Variants in SUGP2 observed in about 807,000 individuals in gnomAD.
SUGP2 encodes the protein SURP and G-patch domain containing 2, also known as SURP and G-patch domain-containing protein 2.
A neutral mutation model predicts 90.5 loss-of-function variants in SUGP2; 24 were observed. The observed-to-expected ratio is 0.27, with a 90% CI of 0.19 to 0.37. SUGP2 has a LOEUF of 0.37. SUGP2 is among the 10% of genes least tolerant of loss of function. SUGP2 has a pLI of 1.00. For synonymous variants in SUGP2, 473 were observed against 513.4 expected, an observed-to-expected ratio of 0.92 and a Z score of 1.06; for missense variants, 1,233 against 1,363.3, an observed-to-expected ratio of 0.90 and a Z score of 1.51.
At chr19:19,033,223 G>T in intron 1 of SUGP2, 1 of 327,332 alleles carries the variant, frequency 3.1e-6, no homozygotes, top group Non-Finnish European at 4.6e-6. Context: ...GCGGCCCGCC[G>T]TCTCCCGGCC....
intron 8 of SUGP2, among the ~76,000 whole-genome samples, chr19:19,000,603 T>C (rs577809993): frequency 4.6e-5 from 7 of 152,374 alleles, no homozygotes; most frequent in Admixed American, 4.6e-4. Flanking sequence ...GGTCTCACTA[T>C]GTTGCCCAGG....
chr19:19,006,741 C>T (rs557456445), intron 6 of SUGP2, among the ~76,000 whole-genome samples: 1 of 152,314 alleles, frequency 6.6e-6, no homozygotes, highest in East Asian at 1.9e-4. Flanking sequence ...CCCAAGGCCA[C>T]TACTGCCTGT....
rs1293450127 is a variant in SUGP2 at position 19,001,687 on chromosome 19, A to G, written c.2930-13T>C. 2.5e-6 allele frequency: 4 copies of G among 1,613,958 alleles called. No individual in the cohort carries two copies. The highest frequency in any genetic ancestry group is 3.4e-6 in the Non-Finnish European group (4 of 1,179,914). ...ACTGGTTCATGGACTAGAAGACAAA[A>G]GAAAGAGACACATACACATACATGT... On this transcript the variant is annotated splice_polypyrimidine_tract_variant and intron_variant, in intron 7 of 10. Transcript: ENST00000452918.
intron 3 of SUGP2, among the ~76,000 whole-genome samples, chr19:19,022,476 T>C (rs531928699): frequency 6.6e-6 from 1 of 152,062 alleles, no homozygotes; most frequent in South Asian, 2.1e-4. Flanking sequence ...AAGGGAAAGG[T>C]GAGGTAATTT....
rs367585784 is a variant in SUGP2, at chr19:19,031,414, A to C, written c.-11-332T>G. ...CCGGGCATGGTGGTGCCTGCCTTTA[A>C]TCCCAGCTACTTGGGAGGCTGTGGC... On this transcript the variant is annotated intron_variant, in intron 1 of 10. Coordinates refer to ENST00000452918, the MANE Select transcript of SUGP2 (RefSeq NM_001017392.5). Among the ~76,000 whole-genome samples the C allele has an allele frequency of 1.5e-4, 23 of 152,150 alleles. No individual in the cohort carries two copies. The East Asian group carries it at 3.9e-3, about 26-fold the overall frequency.
chr19:19,030,146 C>G (rs183835367), intron 2 of SUGP2, among the ~76,000 whole-genome samples: 6 of 150,948 alleles, frequency 4.0e-5, no homozygotes, highest in African/African-American at 1.5e-4. Context: ...GACTCCATAT[C>G]TATTAAAAAA....
intron 4 of SUGP2, among the ~76,000 whole-genome samples, chr19:19,018,610 C>T (rs2058589910): frequency 7.4e-6 from 1 of 134,702 alleles, no homozygotes; most frequent in African/African-American, 2.8e-5. Flanking sequence ...AGGCATGAAC[C>T]CGGGAGGCGG....
intron 3 of SUGP2, among the ~76,000 whole-genome samples, chr19:19,022,509 T>C (rs551674493): frequency 5.3e-5 from 8 of 152,264 alleles, no homozygotes; most frequent in Admixed American, 1.3e-4. Flanking sequence ...TATCAGGATG[T>C]AGCAAAGGCT....
intron 4 of SUGP2, among the ~76,000 whole-genome samples, chr19:19,017,697 G>A (rs969906963): frequency 6.8e-6 from 1 of 147,922 alleles, no homozygotes; most frequent in Admixed American, 6.7e-5. Context: ...GCTTGAACCT[G>A]GGAAACAGAG....
chr19:18,994,500 A>G lies in SUGP2; in HGVS notation c.3129-14T>C, dbSNP rs1333842905. The G allele has an allele frequency of 1.2e-6, 2 of 1,613,198 alleles. No individual in the cohort carries two copies. The highest frequency in any genetic ancestry group is 1.7e-6 in the Non-Finnish European group (2 of 1,179,602). On this transcript the variant is annotated splice_polypyrimidine_tract_variant and intron_variant, in intron 9 of 10. Coordinates refer to ENST00000452918, the MANE Select transcript of SUGP2 (RefSeq NM_001017392.5). Reference sequence around the variant, plus strand: ...GAGGGGGTTCCCCTAGGGAGTGAAAAAGAGAGTCAGTTGTGCACCTGAGCC... The same window carrying G: ...GAGGGGGTTCCCCTAGGGAGTGAAAGAGAGAGTCAGTTGTGCACCTGAGCC...
intron 1 of SUGP2, chr19:19,033,215 G>T: frequency 3.4e-6 from 1 of 296,540 alleles, no homozygotes; most frequent in Non-Finnish European, 5.3e-6. Flanking sequence ...TTGTGGACGC[G>T]GCCCGCCGTC....
intron 8 of SUGP2, among the ~76,000 whole-genome samples, chr19:18,996,679 A>C (rs1429135113): frequency 6.6e-6 from 1 of 151,970 alleles, no homozygotes; most frequent in Non-Finnish European, 1.5e-5. Flanking sequence ...CAGCCTCCCG[A>C]GTAGCTGAGA....
At chr19:18,999,614 G>A (rs1030617010) in intron 8 of SUGP2, among the ~76,000 whole-genome samples, 13 of 152,274 alleles carry the variant, frequency 8.5e-5, no homozygotes, top group African/African-American at 2.6e-4. Flanking sequence ...CTCTGGACTC[G>A]GGAAGGTCCC....
intron 4 of SUGP2, among the ~76,000 whole-genome samples, chr19:19,013,868 C>CT (rs1423763712): frequency 6.6e-6 from 1 of 152,304 alleles, no homozygotes; most frequent in African/African-American, 2.4e-5. Flanking sequence ...ATATCCTGCA[C>CT]TGTTGTTATC....
chr19:18,995,711 G>C, intron 8 of SUGP2, among the ~76,000 whole-genome samples: 1 of 152,282 alleles, frequency 6.6e-6, no homozygotes, highest in South Asian at 2.1e-4. Context: ...GACAGTGGGT[G>C]AGAACTGGCT....
rs1599482236 is a variant in SUGP2, at chr19:19,011,906, G to C, written c.1851-1564C>G. ...TTGTGAATATTTGATTTCAGTTTGTGTTAAAGAAGAATATTGCTTAGTAAG... is the reference window on the plus strand; with the variant it reads ...TTGTGAATATTTGATTTCAGTTTGTCTTAAAGAAGAATATTGCTTAGTAAG... On this transcript the variant is annotated intron_variant, in intron 4 of 10. Transcript: ENST00000452918. Among the ~76,000 whole-genome samples, 3 of 152,194 alleles carry C rather than the reference G, an allele frequency of 2.0e-5. No individual in the cohort carries two copies. The East Asian group carries it at 5.8e-4, about 29-fold the overall frequency.
At chr19:18,994,135 G>A (rs1046119752) in intron 10 of SUGP2, 14 of 474,126 alleles carry the variant, frequency 3.0e-5, no homozygotes, top group Admixed American at 1.2e-4. Flanking sequence ...CAGGCCATGC[G>A]CATCTGCCCT....
intron 2 of SUGP2, among the ~76,000 whole-genome samples, chr19:19,028,197 G>A (rs2059007714): frequency 6.6e-6 from 1 of 152,176 alleles, no homozygotes; most frequent in South Asian, 2.1e-4. Context: ...GATGACCTGG[G>A]CATCAGGGTT....
chr19:19,016,239 G>A (rs2058496983), intron 4 of SUGP2, among the ~76,000 whole-genome samples: 2 of 151,914 alleles, frequency 1.3e-5, no homozygotes, highest in African/African-American at 4.8e-5. Context: ...CACCGTGTTC[G>A]CCAGGATGGT....
Sources: gnomAD v4.1 joint callset for allele counts (sites outside exome capture counted in the v4.1 genomes callset) on GRCh38, gnomAD v4.1.1 for gene constraint, MANE v1.5 for transcripts, NCBI Gene and HGNC (gene_info 2026-07-23, HGNC 2026-07-21) for gene names.